The following PCDH15 variants were observed in gnomAD, a reference collection of about 807,000 sequenced individuals.
PCDH15 encodes protocadherin-15.
Under a neutral mutation model 178.5 loss-of-function variants are expected in PCDH15, and 129 were observed. The observed-to-expected ratio is 0.72, with a 90% confidence interval of 0.63 to 0.84. The LOEUF is 0.84. Among genes scored for constraint, PCDH15 ranks in the 40% least tolerant of loss-of-function variants. The pLI, the probability that PCDH15 is intolerant of heterozygous loss-of-function variation, is 0.00. For synonymous variants in PCDH15, 800 were observed against 732.0 expected (o/e 1.09, Z -1.50); for missense variants, 2,230 against 2,099.9 (o/e 1.06, Z -1.21).
chr10:55,583,679 C>A (rs896670323), intron 2 of PCDH15, among the ~76,000 whole-genome samples: 6 of 152,058 alleles, frequency 3.9e-5, no homozygotes, highest in African/African-American at 7.2e-5. Flanking sequence ...GGTGATCCAC[C>A]CATCTCGGCC....
At chr10:54,771,580 C>A (rs375892863) in intron 1 of PCDH15, among the ~76,000 whole-genome samples, 2 of 151,944 alleles carry the variant, frequency 1.3e-5, no homozygotes, top group East Asian at 3.9e-4. Flanking sequence ...TTGGTTCAGA[C>A]GTCATGAAAA....
At chr10:55,334,221 C>CATATATATATATATATATATAT (rs34468887) in intron 2 of PCDH15, among the ~76,000 whole-genome samples, 30 of 62,822 alleles carry the variant, frequency 4.8e-4, no homozygotes, top group African/African-American at 1.6e-3. Flanking sequence ...TAGGGTGCTC[C>CATATATATATATATATATATAT]ATATATATAT....
intron 32 of PCDH15, chr10:53,822,784 C>T (rs537633108): frequency 6.2e-7 from 1 of 1,614,096 alleles, no homozygotes; most frequent in Admixed American, 1.7e-5. Flanking sequence ...TCTGTTCCTT[C>T]TATCATCAGT....
chr10:54,379,027 C>T, intron 3 of PCDH15, 85 bp from the exon 4 acceptor site: 8 of 1,474,032 alleles, frequency 5.4e-6, no homozygotes, highest in Non-Finnish European at 6.6e-6. Context: ...CCGCGGCTGG[C>T]TCACAATCAG....
intron 2 of PCDH15, among the ~76,000 whole-genome samples, chr10:54,599,484 T>C (rs764712360): frequency 6.6e-6 from 1 of 152,050 alleles, no homozygotes; most frequent in Non-Finnish European, 1.5e-5. Flanking sequence ...ACCCTTTCCT[T>C]ACATCATATA....
intron 1 of PCDH15, among the ~76,000 whole-genome samples, chr10:55,262,117 AAAG>A (rs1405153608): frequency 1.4e-5 from 2 of 147,248 alleles, no homozygotes; most frequent in African/African-American, 2.5e-5. Flanking sequence ...GAGAAATAAA[AAAG>A]AAAAGAAAAG....
In PCDH15 at chr10:53,924,276, C is replaced by A. The variant is rs925025327; in HGVS notation, c.3373+14539G>T. ...GGCTTGGTGGACTCCGCACTCAGAG[C>A]GGCCGGCTGGCACCGTGGGCCCCAG... On this transcript the variant is annotated intron_variant, in intron 25 of 37. Coordinates refer to ENST00000644397, the MANE Select transcript of PCDH15 (RefSeq NM_001384140.1). Among the ~76,000 whole-genome samples, 6 of 152,264 alleles carry A rather than the reference C, an allele frequency of 3.9e-5. No homozygotes were observed. In the South Asian group the frequency reaches 8.3e-4, roughly 21 times the overall value.
intron 2 of PCDH15, among the ~76,000 whole-genome samples, chr10:55,340,921 T>C (rs1844539756): frequency 6.6e-6 from 1 of 152,018 alleles, no homozygotes; most frequent in South Asian, 2.1e-4. Flanking sequence ...ATTCACATTC[T>C]TATAGACTAT....
At chr10:54,533,088 G>A (rs1463167050) in intron 2 of PCDH15, among the ~76,000 whole-genome samples, 1 of 152,130 alleles carries the variant, frequency 6.6e-6, no homozygotes. Context: ...TTTCTTAAAT[G>A]CATGTATAGC....
intron 1 of PCDH15, among the ~76,000 whole-genome samples, chr10:55,308,108 T>G (rs1176802420): frequency 6.6e-6 from 1 of 152,212 alleles, no homozygotes; most frequent in Non-Finnish European, 1.5e-5. Context: ...CATTTTTCTA[T>G]TATCAAGTGA....
chr10:55,311,734 G>T (rs1176693904), intron 1 of PCDH15, among the ~76,000 whole-genome samples: 1 of 152,120 alleles, frequency 6.6e-6, no homozygotes, highest in Non-Finnish European at 1.5e-5. Context: ...TGCGGCTAAA[G>T]GATGCTGAAG....
intron 3 of PCDH15, among the ~76,000 whole-genome samples, chr10:54,423,513 G>T (rs937375734): frequency 6.6e-6 from 1 of 151,760 alleles, no homozygotes; most frequent in African/African-American, 2.4e-5. Context: ...TCACAGTAAG[G>T]AGATGGATCA....
At chr10:54,045,962 T>A (rs1285408008) in intron 18 of PCDH15, among the ~76,000 whole-genome samples, 1 of 151,766 alleles carries the variant, frequency 6.6e-6, no homozygotes, top group Non-Finnish European at 1.5e-5. Flanking sequence ...TCTATAATAA[T>A]CAAAGAACTC....
intron 14 of PCDH15, among the ~76,000 whole-genome samples, chr10:54,149,920 G>T (rs1055538931): frequency 1.3e-5 from 2 of 152,110 alleles, no homozygotes; most frequent in African/African-American, 4.8e-5. Flanking sequence ...GTTGCTCCAG[G>T]TTATGTGTGG....
At chr10:54,333,583 T>C (rs1046788572) in intron 6 of PCDH15, among the ~76,000 whole-genome samples, 1 of 148,566 alleles carries the variant, frequency 6.7e-6, no homozygotes, top group African/African-American at 2.5e-5. Flanking sequence ...AAAAGCTAAA[T>C]TAAGCAAGGG....
At chr10:54,405,740 A>G (rs757239524) in intron 3 of PCDH15, among the ~76,000 whole-genome samples, 5 of 151,960 alleles carry the variant, frequency 3.3e-5, no homozygotes, top group Non-Finnish European at 4.4e-5. Flanking sequence ...TTGTAGTGGT[A>G]CAAATATATT....
intron 2 of PCDH15, among the ~76,000 whole-genome samples, chr10:55,359,042 T>C (rs1845152712): frequency 6.6e-6 from 1 of 151,834 alleles, no homozygotes; most frequent in Non-Finnish European, 1.5e-5. Flanking sequence ...CAATAATTTA[T>C]AAAAATATAA....
chr10:54,073,205 AAAGT>A (rs1161527517), intron 17 of PCDH15, among the ~76,000 whole-genome samples: 3 of 150,932 alleles, frequency 2.0e-5, no homozygotes, highest in East Asian at 3.9e-4. Flanking sequence ...AAAATATCAG[AAAGT>A]ATTTATAGTA....
In PCDH15 at chr10:54,939,235, C is replaced by T. The variant is rs181615922; in HGVS notation, c.-79-41735G>A. On this transcript the variant is annotated intron_variant, in intron 2 of 5. Coordinates refer to the PCDH15 transcript ENST00000458638. The stretch of plus-strand genomic sequence containing the variant: ...GTAGGCCGGGCGTGGTGGCTCACGC[C>T]CGTAATCCCAGTACTTTGGGAGGCT... Among the ~76,000 whole-genome samples, 6 of 151,774 alleles carry T rather than the reference C, an allele frequency of 4.0e-5. No homozygotes were observed. In the East Asian group the frequency reaches 1.2e-3, roughly 30 times the overall value.
Sources: gnomAD v4.1 joint callset for allele counts (sites outside exome capture counted in the v4.1 genomes callset) on GRCh38, gnomAD v4.1.1 for gene constraint, MANE v1.5 for transcripts, NCBI Gene and HGNC (gene_info 2026-07-23, HGNC 2026-07-21) for gene names.